NCAM1: variants seen among roughly 807,000 people sequenced by gnomAD.
The protein encoded by NCAM1 is antigen recognized by monoclonal antibody 5.1H11.
NCAM1 carries 14 observed loss-of-function variants against 109.8 expected under a neutral mutation model. The ratio of observed to expected loss-of-function variants is 0.13; its 90% CI spans 0.08 to 0.20. NCAM1 has a LOEUF of 0.20. NCAM1 is among the 10% of genes least tolerant of loss of function. The pLI is 1.00. For missense variants in NCAM1, 774 were observed against 1,109.9 expected, an observed-to-expected ratio of 0.70 and a Z score of 4.30; for synonymous variants, 418 against 442.9, an observed-to-expected ratio of 0.94 and a Z score of 0.70.
At chr11:113,249,785 G>A (rs138927808) in intron 15 of NCAM1, among the ~76,000 whole-genome samples, 3 of 152,292 alleles carry the variant, frequency 2.0e-5, no homozygotes, top group South Asian at 2.1e-4. Context: ...AAGGGAACTG[G>A]TATTTTTGTG....
At chr11:113,088,324 C>T (rs782060060) in intron 1 of NCAM1, among the ~76,000 whole-genome samples, 4 of 152,120 alleles carry the variant, frequency 2.6e-5, no homozygotes, top group South Asian at 2.1e-4. Context: ...GATGGTAATT[C>T]GGGCTAATGC....
chr11:113,262,834 T>G (rs781986858), intron 17 of NCAM1: 1 of 1,613,636 alleles, frequency 6.2e-7, no homozygotes, highest in Non-Finnish European at 8.5e-7. Flanking sequence ...ACCCATTGCT[T>G]GACACCTGCA....
intron 1 of NCAM1, among the ~76,000 whole-genome samples, chr11:112,966,682 T>C (rs1555065491): frequency 1.3e-5 from 2 of 152,244 alleles, no homozygotes; most frequent in East Asian, 3.9e-4. Context: ...TGCCTTTTCA[T>C]TTCATGTTGT....
intron 1 of NCAM1, among the ~76,000 whole-genome samples, chr11:113,063,481 T>G (rs1267763475): frequency 6.6e-6 from 1 of 152,244 alleles, no homozygotes; most frequent in African/African-American, 2.4e-5. Context: ...AGCCTCATTC[T>G]GCCTCCTCTG....
rs1471125206 is a variant in NCAM1 at position 112,962,188 on chromosome 11, C to T, written c.52+524C>T. On this transcript the variant is annotated intron_variant, in intron 1 of 19. Transcript: ENST00000316851. The surrounding 1 kb of genome is among the most constrained non-coding windows in gnomAD (Gnocchi z 5.6). ...GTCAGGATCGCTGCTTTGCTTCCCC[C>T]GCCCCAGAAGAATAACGGTTTGCAA... is the stretch of plus-strand genomic sequence containing the variant. Among the ~76,000 whole-genome samples the T allele has an allele frequency of 2.6e-5, 4 of 152,208 alleles. No homozygotes were observed. The highest frequency in any genetic ancestry group is 4.4e-5 in the Non-Finnish European group (3 of 68,040).
intron 1 of NCAM1, among the ~76,000 whole-genome samples, chr11:112,989,094 G>C (rs1451091115): frequency 6.6e-6 from 1 of 152,004 alleles, no homozygotes; most frequent in African/African-American, 2.4e-5. Flanking sequence ...GTTCTTCTTT[G>C]GATTGATCTT....
chr11:113,136,382 G>A (rs1941597199), intron 1 of NCAM1, among the ~76,000 whole-genome samples: 1 of 152,090 alleles, frequency 6.6e-6, no homozygotes, highest in Admixed American at 6.5e-5. Context: ...GTGGGCGAGA[G>A]GCAGTGAAGG....
chr11:113,220,702 G>A (rs1482252334), intron 8 of NCAM1, among the ~76,000 whole-genome samples: 1 of 146,620 alleles, frequency 6.8e-6, no homozygotes, highest in Non-Finnish European at 1.5e-5. Flanking sequence ...TGCCTTCCGG[G>A]TTCACGCCAT....
intron 1 of NCAM1, among the ~76,000 whole-genome samples, chr11:113,088,349 A>G (rs1939181704): frequency 6.6e-6 from 1 of 152,188 alleles, no homozygotes; most frequent in Admixed American, 6.5e-5. Flanking sequence ...TAATCAATAG[A>G]ATTTTACTAT....
rs1946233197 is a variant in NCAM1 at position 113,270,128 on chromosome 11, A to G, written c.2132-60A>G. 13 of 1,546,408 alleles carry G rather than the reference A, an allele frequency of 8.4e-6. No homozygotes were observed. The East Asian group carries it at 2.0e-4, about 24-fold the overall frequency. Reference sequence around the variant, plus strand: ...CCCACCCGCAGGGGCTTTTGCTGGCAGGGTCTGGAGGTCTCGCATCTCAGT... The same window carrying G: ...CCCACCCGCAGGGGCTTTTGCTGGCGGGGTCTGGAGGTCTCGCATCTCAGT... On this transcript the variant is annotated intron_variant, in intron 17 of 19. Coordinates refer to ENST00000316851, the MANE Select transcript of NCAM1 (RefSeq NM_181351.5).
chr11:113,063,214 T>C (rs1555083703), intron 1 of NCAM1, among the ~76,000 whole-genome samples: 2 of 152,192 alleles, frequency 1.3e-5, no homozygotes, highest in East Asian at 3.8e-4. Flanking sequence ...CCTGGTGCTG[T>C]GTGGAACACT....
At chr11:113,254,802 A>C (rs1945793701) in intron 15 of NCAM1, among the ~76,000 whole-genome samples, 1 of 152,152 alleles carries the variant, frequency 6.6e-6, no homozygotes, top group South Asian at 2.1e-4. Flanking sequence ...TTTCTCTCTG[A>C]GGTTATGAAA....
chr11:113,017,704 A>T (rs1177855285), intron 1 of NCAM1, among the ~76,000 whole-genome samples: 1 of 144,672 alleles, frequency 6.9e-6, no homozygotes, highest in Admixed American at 7.3e-5. Context: ...TTGTTGTTAA[A>T]TCCTAACCAG....
intron 1 of NCAM1, among the ~76,000 whole-genome samples, chr11:113,196,306 G>GT (rs1159327861): frequency 2.6e-5 from 4 of 152,168 alleles, no homozygotes; most frequent in Non-Finnish European, 5.9e-5. Context: ...ATGTTATGAT[G>GT]TTTTTGGCTG....
chr11:113,185,081 G>T (rs71466732), intron 1 of NCAM1, among the ~76,000 whole-genome samples: 97,600 of 111,890 alleles, frequency 0.87, 41,802 homozygotes, highest in Middle Eastern at 0.93. Context: ...TATATATATA[G>T]AGAGAGAGAG....
intron 14 of NCAM1, among the ~76,000 whole-genome samples, chr11:113,240,060 G>A (rs959646549): frequency 6.6e-5 from 10 of 152,186 alleles, no homozygotes; most frequent in Non-Finnish European, 1.5e-5. Flanking sequence ...ACAGAAGAAT[G>A]GCTAGAATTT....
Position 113,271,418 on chromosome 11 carries a change from G to A in NCAM1, c.2340-342G>A, listed in dbSNP as rs74982041. 6.4e-3 allele frequency among the ~76,000 whole-genome samples: 924 copies of A among 145,242 alleles called. 11 individuals are homozygous for A. The highest frequency in any genetic ancestry group is 0.021 in the African/African-American group (849 of 39,624). On this transcript the variant is annotated intron_variant, in intron 18 of 19. Transcript: ENST00000316851. ...AAAAGAAAAGGAAAGGAAAAGAAAT[G>A]TATGTATACCTGTGTACAGAGACAG...
chr11:112,965,091 G>A (rs1950696417), intron 1 of NCAM1, among the ~76,000 whole-genome samples: 1 of 151,492 alleles, frequency 6.6e-6, no homozygotes, highest in Admixed American at 6.6e-5. Context: ...TTTTAAAAAT[G>A]GAATACCAGA....
In NCAM1 at chr11:113,204,523, T is replaced by C. The variant is rs782597566; in HGVS notation, c.346+19T>C. The C allele has an allele frequency of 6.2e-7, 1 of 1,610,932 alleles. No homozygotes were observed. Among genetic ancestry groups the C allele is most frequent in the East Asian group, 2.2e-5 (1 of 44,858 alleles). On this transcript the variant is annotated intron_variant, in intron 3 of 19. Coordinates refer to ENST00000316851, the MANE Select transcript of NCAM1 (RefSeq NM_181351.5). The stretch of plus-strand genomic sequence containing the variant: ...ATCTTTCGTAAGAGCCTCCTTCTTC[T>C]TCTGCATTCTCTGGCCTCTCCTTGC...
Sources: allele counts gnomAD v4.1 joint callset (sites outside exome capture counted in the v4.1 genomes callset), GRCh38; gene constraint gnomAD v4.1.1; non-coding constraint Gnocchi (gnomAD v3.1); transcripts MANE v1.5; gene names NCBI Gene and HGNC (gene_info 2026-07-23, HGNC 2026-07-21).